Variants in ATXN1 observed in about 807,000 individuals in gnomAD.
ATXN1 encodes ataxin-1.
In ATXN1, 8 loss-of-function variants were observed where a neutral mutation model predicts 56.4. The observed-to-expected ratio is 0.14, with a 90% CI of 0.08 to 0.26. The LOEUF (loss-of-function observed/expected upper bound fraction) is 0.26. Among genes scored for constraint, ATXN1 ranks in the 10% least tolerant of loss-of-function variants. The pLI is 1.00. For synonymous variants in ATXN1, 514 were observed against 494.6 expected (o/e 1.04, Z -0.52); for missense variants, 987 against 1,106.5 (o/e 0.89, Z 1.53).
intron 6 of ATXN1, among the ~76,000 whole-genome samples, chr6:16,340,357 T>C (rs1446638140): frequency 6.6e-6 from 1 of 152,162 alleles, no homozygotes; most frequent in Non-Finnish European, 1.5e-5. Context: ...CAATAAAAAC[T>C]CTAGATGCTG....
chr6:16,734,980 C>T (rs186521038), intron 2 of ATXN1, among the ~76,000 whole-genome samples: 1 of 152,174 alleles, frequency 6.6e-6, no homozygotes, highest in East Asian at 1.9e-4. Flanking sequence ...TGTGAATATA[C>T]TTTTGTATTT....
chr6:16,707,535 T>C (rs563204320), intron 2 of ATXN1, among the ~76,000 whole-genome samples: 14 of 152,338 alleles, frequency 9.2e-5, no homozygotes, highest in African/African-American at 3.4e-4. Context: ...TCTTCTACTC[T>C]GCCCAGAGAA....
At chr6:16,366,210 A>G (rs963065578) in intron 6 of ATXN1, among the ~76,000 whole-genome samples, 1 of 152,102 alleles carries the variant, frequency 6.6e-6, no homozygotes, top group African/African-American at 2.4e-5. Context: ...AACAACAATA[A>G]TAACAGTTCT....
chr6:16,347,312 C>T (rs544565430), intron 6 of ATXN1, among the ~76,000 whole-genome samples: 6 of 152,192 alleles, frequency 3.9e-5, no homozygotes, highest in African/African-American at 1.2e-4. Context: ...TCTGGTGGGG[C>T]CTTGGAGAAC....
At chr6:16,752,552 T>C (rs1368673875) in intron 2 of ATXN1, among the ~76,000 whole-genome samples, 2 of 152,150 alleles carry the variant, frequency 1.3e-5, no homozygotes, top group African/African-American at 4.8e-5. Flanking sequence ...TATTTCACAA[T>C]CTCCCTTGGT....
intron 6 of ATXN1, among the ~76,000 whole-genome samples, chr6:16,386,576 G>A (rs1200049945): frequency 6.6e-6 from 1 of 152,052 alleles, no homozygotes; most frequent in Admixed American, 6.5e-5. Context: ...AAAGTCAGGA[G>A]AGCAAATGTG....
rs1178818423 is a variant in ATXN1 at position 16,302,958 on chromosome 6, AG to A, written c.*3370del. 2 of 152,658 alleles carry A rather than the reference AG, an allele frequency of 1.3e-5. No homozygotes were observed. The highest frequency in any genetic ancestry group is 3.8e-4 in the East Asian group (2 of 5,202). 9.5% of individuals were successfully genotyped at this position (152,658 alleles called of 1,614,324 possible). A position where few individuals can be genotyped will look rare whatever the true frequency, so the allele number is the denominator to read the frequency against. On this transcript the variant is annotated 3_prime_UTR_variant, in exon 8 of 8. Coordinates refer to ENST00000436367, the MANE Select transcript of ATXN1 (RefSeq NM_001128164.2). ...GGGCCCGCCAACGTCTGCAAACAGGAGGCTCCTGCCCTCTGTGCGTTCTTCC... is the reference window on the plus strand; with the variant it reads ...GGGCCCGCCAACGTCTGCAAACAGGAGCTCCTGCCCTCTGTGCGTTCTTCC...
chr6:16,468,038 A>T (rs1178730787), intron 6 of ATXN1, among the ~76,000 whole-genome samples: 1 of 152,220 alleles, frequency 6.6e-6, no homozygotes, highest in Non-Finnish European at 1.5e-5. Flanking sequence ...TAATCATAGG[A>T]ATTGCAGTGG....
At chr6:16,687,891 G>A (rs929166169) in intron 2 of ATXN1, among the ~76,000 whole-genome samples, 1 of 152,048 alleles carries the variant, frequency 6.6e-6, no homozygotes, top group African/African-American at 2.4e-5. Flanking sequence ...AACACCTCTG[G>A]CAGAAATCCT....
intron 5 of ATXN1, among the ~76,000 whole-genome samples, chr6:16,489,070 C>T (rs1278557051): frequency 3.3e-5 from 5 of 152,130 alleles, no homozygotes; most frequent in Non-Finnish European, 7.3e-5. Flanking sequence ...ACATTCTGAC[C>T]CAAGGTCCTT....
intron 6 of ATXN1, among the ~76,000 whole-genome samples, chr6:16,442,116 A>G (rs905295163): frequency 6.6e-6 from 1 of 152,216 alleles, no homozygotes; most frequent in East Asian, 1.9e-4. Context: ...TAAGGGACAG[A>G]AAATTAGAGT....
At chr6:16,463,020 T>C (rs1760030750) in intron 6 of ATXN1, among the ~76,000 whole-genome samples, 1 of 152,154 alleles carries the variant, frequency 6.6e-6, no homozygotes, top group African/African-American at 2.4e-5. Flanking sequence ...ATCCTCTCTT[T>C]CAATCACTCT....
intron 6 of ATXN1, among the ~76,000 whole-genome samples, chr6:16,439,268 A>C (rs959387419): frequency 1.4e-5 from 2 of 147,806 alleles, no homozygotes; most frequent in African/African-American, 5.0e-5. Context: ...ATGTGATGTC[A>C]ATGGCAATTT....
chr6:16,313,288 A>C (rs1279110886), intron 7 of ATXN1, among the ~76,000 whole-genome samples: 1 of 152,052 alleles, frequency 6.6e-6, no homozygotes. Context: ...TTGGCTTTTG[A>C]GTGGTGAGCA....
At chr6:16,427,945 G>T (rs945568232) in intron 6 of ATXN1, among the ~76,000 whole-genome samples, 3 of 152,166 alleles carry the variant, frequency 2.0e-5, no homozygotes, top group Admixed American at 2.0e-4. Flanking sequence ...GTGGGAGGGG[G>T]TGCTCAGCTG....
intron 6 of ATXN1, among the ~76,000 whole-genome samples, chr6:16,373,556 G>T (rs180980922): frequency 6.6e-6 from 1 of 152,176 alleles, no homozygotes; most frequent in Non-Finnish European, 1.5e-5. Flanking sequence ...ATCCTGAATC[G>T]TAGCTCCCAC....
intron 6 of ATXN1, among the ~76,000 whole-genome samples, chr6:16,358,419 C>G (rs958915235): frequency 1.3e-5 from 2 of 152,202 alleles, no homozygotes; most frequent in African/African-American, 4.8e-5. Flanking sequence ...GCCCATCAAT[C>G]AATGAGTGGA....
chr6:16,552,611 T>G (rs1761941716), intron 4 of ATXN1, among the ~76,000 whole-genome samples: 1 of 152,230 alleles, frequency 6.6e-6, no homozygotes, highest in Non-Finnish European at 1.5e-5. Context: ...ACTAAATTTA[T>G]AAAAGATACT....
intron 2 of ATXN1, among the ~76,000 whole-genome samples, chr6:16,744,357 C>T (rs745543851): frequency 2.0e-5 from 3 of 152,154 alleles, no homozygotes; most frequent in African/African-American, 4.8e-5. Flanking sequence ...CAGCCTGCTA[C>T]GTAGCAGAAA....
Sources: gnomAD v4.1 joint callset for allele counts (sites outside exome capture counted in the v4.1 genomes callset) on GRCh38, gnomAD v4.1.1 for gene constraint, MANE v1.5 for transcripts, NCBI Gene and HGNC (gene_info 2026-07-23, HGNC 2026-07-21) for gene names.